NRXN3: variants seen among roughly 807,000 people sequenced by gnomAD.
The protein encoded by NRXN3 is neurexin 3.
In NRXN3, 32 loss-of-function variants were observed where a neutral mutation model predicts 137.6. The ratio of observed to expected loss-of-function variants is 0.23; its 90% CI spans 0.18 to 0.31. The LOEUF (loss-of-function observed/expected upper bound fraction) is 0.31, where lower values mean the gene tolerates loss of function less well. Ranked by LOEUF, NRXN3 falls within the 10% of genes least tolerant of loss-of-function variation. The pLI is 1.00. For synonymous variants in NRXN3, 798 were observed against 784.5 expected (o/e 1.02, Z -0.29); for missense variants, 1,574 against 2,062.5 (o/e 0.76, Z 4.59).
At chr14:79,095,951 G>A (rs1337421537) in intron 15 of NRXN3, among the ~76,000 whole-genome samples, 1 of 151,988 alleles carries the variant, frequency 6.6e-6, no homozygotes, top group Non-Finnish European at 1.5e-5. Context: ...TTCCTATGCT[G>A]GATGCTAGAT....
intron 15 of NRXN3, among the ~76,000 whole-genome samples, chr14:79,316,549 G>T (rs2088735085): frequency 6.6e-6 from 1 of 152,208 alleles, no homozygotes; most frequent in Non-Finnish European, 1.5e-5. Flanking sequence ...GTTTGAAGCA[G>T]TGACATTCAT....
chr14:78,275,112 A>G (rs753674514), intron 2 of NRXN3, among the ~76,000 whole-genome samples: 2 of 152,192 alleles, frequency 1.3e-5, no homozygotes, highest in Non-Finnish European at 2.9e-5. Context: ...CTCAAATACT[A>G]CTTCCTCAGA....
intron 16 of NRXN3, among the ~76,000 whole-genome samples, chr14:79,497,666 C>T (rs2096780334): frequency 6.6e-6 from 1 of 152,106 alleles, no homozygotes; most frequent in African/African-American, 2.4e-5. Context: ...TATTGTTTGT[C>T]ACTGAATTTC....
chr14:79,156,577 T>C (rs1481355003), intron 15 of NRXN3, among the ~76,000 whole-genome samples: 2 of 151,710 alleles, frequency 1.3e-5, no homozygotes, highest in East Asian at 3.9e-4. Context: ...TAAAAATGAA[T>C]GCTCAATGTT....
Position 79,476,829 on chromosome 14 carries a change from C to T in NRXN3, c.3444+9427C>T, listed in dbSNP as rs150810401. Among the ~76,000 whole-genome samples, 984 of 152,160 alleles carry T rather than the reference C, an allele frequency of 6.5e-3. 14 individuals carry two copies. The highest frequency in any genetic ancestry group is 0.023 in the African/African-American group (951 of 41,508). On this transcript the variant is annotated intron_variant, in intron 16 of 20. Transcript: ENST00000335750. ...AAGTTTGAAGAAGCTAAAGCATTTT[C>T]CCAAGATAGCACTACTAATAAACAG...
At chr14:78,458,555 G>A (rs2094823073) in intron 4 of NRXN3, among the ~76,000 whole-genome samples, 1 of 152,172 alleles carries the variant, frequency 6.6e-6, no homozygotes, top group Non-Finnish European at 1.5e-5. Context: ...CTACTTTTGT[G>A]AATCTGTGTA....
chr14:79,493,897 G>A (rs2096741238), intron 16 of NRXN3, among the ~76,000 whole-genome samples: 1 of 152,162 alleles, frequency 6.6e-6, no homozygotes, highest in African/African-American at 2.4e-5. Flanking sequence ...GAATGACAAA[G>A]GCTGTCACAG....
intron 1 of NRXN3, among the ~76,000 whole-genome samples, chr14:78,222,820 G>C (rs2064010897): frequency 6.6e-6 from 1 of 152,120 alleles, no homozygotes. Flanking sequence ...TTTCCCACTA[G>C]GCTCTAAGCT....
chr14:79,828,057 T>A (rs1420977796), intron 20 of NRXN3, among the ~76,000 whole-genome samples: 1 of 152,062 alleles, frequency 6.6e-6, no homozygotes, highest in Admixed American at 6.6e-5. Context: ...CCACAAGAGA[T>A]CCACCTTCAT....
intron 10 of NRXN3, among the ~76,000 whole-genome samples, chr14:78,956,938 A>T (rs1378826975): frequency 6.6e-6 from 1 of 152,224 alleles, no homozygotes; most frequent in African/African-American, 2.4e-5. Flanking sequence ...ATGACTGCTA[A>T]CTACAGCTTC....
rs192346867 is a variant in NRXN3, at chr14:79,425,797, G to C, written c.3263-41424G>C. Among the ~76,000 whole-genome samples the C allele has an allele frequency of 2.0e-5, 3 of 152,068 alleles. No homozygotes were observed. In the South Asian group the frequency reaches 6.2e-4, roughly 32 times the overall value. On this transcript the variant is annotated intron_variant, in intron 15 of 20. Transcript: ENST00000335750. ...GATTGGGACTCTAAGATAGAAACAC[G>C]GTCTGTCCAGAGTCACATAGCAAGT... is the stretch of plus-strand genomic sequence containing the variant.
At chr14:78,431,682 G>A (rs10483901) in intron 4 of NRXN3, among the ~76,000 whole-genome samples, 16,481 of 151,694 alleles carry the variant, frequency 0.11, 1,333 homozygotes, top group African/African-American at 0.22. Context: ...TAGACCTCAC[G>A]GATGCTTATG....
At chr14:79,840,319 A>C (rs925265128) in intron 20 of NRXN3, among the ~76,000 whole-genome samples, 3 of 152,228 alleles carry the variant, frequency 2.0e-5, no homozygotes. Flanking sequence ...TCCTTTTTCC[A>C]CTGCCCCTAG....
chr14:79,553,889 T>A (rs2097401007), intron 16 of NRXN3, among the ~76,000 whole-genome samples: 1 of 152,196 alleles, frequency 6.6e-6, no homozygotes, highest in Non-Finnish European at 1.5e-5. Flanking sequence ...CAGGAGATAC[T>A]TTTTAATGAA....
chr14:79,715,047 A>G (rs178380), intron 19 of NRXN3, among the ~76,000 whole-genome samples: 137,262 of 152,226 alleles, frequency 0.9, 62,001 homozygotes, highest in African/African-American at 0.95. Context: ...TCTGCCTCCC[A>G]GGTTCACGCC....
At chr14:78,949,255 C>T (rs923619963) in intron 10 of NRXN3, among the ~76,000 whole-genome samples, 4 of 152,172 alleles carry the variant, frequency 2.6e-5, no homozygotes, top group Non-Finnish European at 5.9e-5. Flanking sequence ...CCCCTCTACC[C>T]TCCATAAATT....
At chr14:79,425,521 T>A (rs115516735) in intron 15 of NRXN3, among the ~76,000 whole-genome samples, 4,253 of 152,308 alleles carry the variant, frequency 0.028, 198 homozygotes, top group African/African-American at 0.097. Context: ...TCAGCTGTTC[T>A]TTCTAAAAGA....
chr14:78,741,782 A>G (rs1261469553), intron 8 of NRXN3, among the ~76,000 whole-genome samples: 2 of 152,194 alleles, frequency 1.3e-5, no homozygotes, highest in East Asian at 3.8e-4. Context: ...TTCATCTTGT[A>G]TAACCAAAAC....
At chr14:78,420,133 T>A (rs2093379371) in intron 4 of NRXN3, among the ~76,000 whole-genome samples, 1 of 152,138 alleles carries the variant, frequency 6.6e-6, no homozygotes, top group Non-Finnish European at 1.5e-5. Context: ...CAAGTTGACT[T>A]GACAGTCTAA....
Sources: allele counts gnomAD v4.1 joint callset (sites outside exome capture counted in the v4.1 genomes callset), GRCh38; gene constraint gnomAD v4.1.1; transcripts MANE v1.5; gene names NCBI Gene and HGNC (gene_info 2026-07-23, HGNC 2026-07-21).